The following ASTN2 variants were observed in gnomAD, a reference collection of about 807,000 sequenced individuals.
ASTN2 encodes astrotactin-2.
ASTN2 carries 54 observed loss-of-function variants against 139.8 expected under a neutral mutation model. The observed-to-expected ratio is 0.39, with a 90% CI of 0.31 to 0.48. ASTN2 has a LOEUF of 0.48. Among genes scored for constraint, ASTN2 ranks in the 20% least tolerant of loss-of-function variants. The pLI is 0.95. For synonymous variants in ASTN2, 756 were observed against 719.5 expected, an observed-to-expected ratio of 1.05 and a Z score of -0.81; for missense variants, 1,565 against 1,725.1, an observed-to-expected ratio of 0.91 and a Z score of 1.64.
intron 10 of ASTN2, among the ~76,000 whole-genome samples, chr9:116,960,127 G>T (rs1835834935): frequency 6.6e-6 from 1 of 152,108 alleles, no homozygotes; most frequent in East Asian, 1.9e-4. Context: ...GAGGAGAGGA[G>T]GTGTTGTCAG....
intron 10 of ASTN2, among the ~76,000 whole-genome samples, chr9:116,941,252 A>G (rs1835220360): frequency 6.6e-6 from 1 of 151,580 alleles, no homozygotes; most frequent in Non-Finnish European, 1.5e-5. Context: ...GTGTGCTTAG[A>G]ATTTTCTGGT....
intron 2 of ASTN2, among the ~76,000 whole-genome samples, chr9:117,253,458 C>A (rs544943794): frequency 4.6e-5 from 7 of 152,262 alleles, no homozygotes; most frequent in South Asian, 4.1e-4. Flanking sequence ...GGAAAGCTTC[C>A]CCAAGATAAA....
rs1291826170 is a variant in ASTN2, at chr9:116,656,884, C to A, written c.2807-5091G>T. 2.0e-5 allele frequency among the ~76,000 whole-genome samples: 3 copies of A among 152,070 alleles called. No individual in the cohort carries two copies. In the East Asian group the frequency reaches 5.8e-4, roughly 29 times the overall value. The stretch of plus-strand genomic sequence containing the variant: ...CGGCAACGGTGCAGGGTGCTGCCTC[C>A]CTAGTCAGACAGGCTTGCTTTGGCA... On this transcript the variant is annotated intron_variant, in intron 16 of 22. Transcript: ENST00000313400.
chr9:117,157,925 G>A (rs191221859), intron 3 of ASTN2, among the ~76,000 whole-genome samples: 13 of 152,064 alleles, frequency 8.5e-5, no homozygotes. Context: ...TATGGAACAA[G>A]GATCTTAGGG....
At chr9:116,962,319 G>T (rs745375271) in intron 10 of ASTN2, among the ~76,000 whole-genome samples, 10 of 152,172 alleles carry the variant, frequency 6.6e-5, no homozygotes, top group Non-Finnish European at 1.2e-4. Flanking sequence ...GAGCTCAGAG[G>T]TTGGCCAGCT....
intron 22 of ASTN2, among the ~76,000 whole-genome samples, chr9:116,430,585 T>C (rs921378013): frequency 1.3e-5 from 2 of 152,166 alleles, no homozygotes; most frequent in African/African-American, 4.8e-5. Context: ...TTAGAGTCCA[T>C]AAGGGCAAGT....
At chr9:117,104,528 C>A (rs571309225) in intron 4 of ASTN2, among the ~76,000 whole-genome samples, 1 of 152,160 alleles carries the variant, frequency 6.6e-6, no homozygotes, top group Admixed American at 6.5e-5. Context: ...GCATGATCTA[C>A]GGTTATGAAC....
At chr9:116,871,201 T>A (rs1221525742) in intron 10 of ASTN2, among the ~76,000 whole-genome samples, 1 of 152,264 alleles carries the variant, frequency 6.6e-6, no homozygotes, top group East Asian at 1.9e-4. Flanking sequence ...GAGGTTGCAG[T>A]GAGCCGAGAT....
At chr9:116,656,971 C>T (rs1334084583) in intron 16 of ASTN2, among the ~76,000 whole-genome samples, 2 of 152,124 alleles carry the variant, frequency 1.3e-5, no homozygotes, top group African/African-American at 4.8e-5. Flanking sequence ...AAATTAGAAA[C>T]ATTAAGGGAG....
chr9:116,589,137 C>A (rs1854276318), intron 19 of ASTN2, among the ~76,000 whole-genome samples: 1 of 152,096 alleles, frequency 6.6e-6, no homozygotes, highest in African/African-American at 2.4e-5. Flanking sequence ...TCACAGGGAA[C>A]CTTCTGGCTG....
chr9:116,600,524 A>T (rs1041390484), intron 19 of ASTN2, among the ~76,000 whole-genome samples: 9 of 152,118 alleles, frequency 5.9e-5, no homozygotes, highest in Non-Finnish European at 1.3e-4. Flanking sequence ...AAGAAGTTTG[A>T]CCTTCAACTA....
intron 3 of ASTN2, among the ~76,000 whole-genome samples, chr9:117,167,497 A>G (rs1264871888): frequency 6.6e-6 from 1 of 152,130 alleles, no homozygotes; most frequent in African/African-American, 2.4e-5. Context: ...AATGAGCAAA[A>G]TCAGAATACA....
chr9:116,783,885 C>T (rs1405740600), intron 13 of ASTN2, among the ~76,000 whole-genome samples: 1 of 152,138 alleles, frequency 6.6e-6, no homozygotes, highest in Non-Finnish European at 1.5e-5. Context: ...TTACAGCTAC[C>T]ATTTGTTGAG....
chr9:116,683,446 G>A (rs1256279569), intron 16 of ASTN2, among the ~76,000 whole-genome samples: 1 of 152,128 alleles, frequency 6.6e-6, no homozygotes, highest in African/African-American at 2.4e-5. Context: ...TTTAATAGTA[G>A]CTATAGACTT....
At chr9:117,282,591 A>G (rs1014032823) in intron 2 of ASTN2, among the ~76,000 whole-genome samples, 2 of 152,154 alleles carry the variant, frequency 1.3e-5, no homozygotes, top group Non-Finnish European at 2.9e-5. Context: ...CACCCCTGCC[A>G]TTGGCTCTGG....
intron 6 of ASTN2, among the ~76,000 whole-genome samples, chr9:117,015,111 G>A (rs141566030): frequency 6.6e-6 from 1 of 152,158 alleles, no homozygotes; most frequent in Admixed American, 6.5e-5. Flanking sequence ...CCCTGGCTCA[G>A]GTGATCCTCC....
At chr9:116,652,105 C>T (rs993010228) in intron 16 of ASTN2, among the ~76,000 whole-genome samples, 10 of 152,078 alleles carry the variant, frequency 6.6e-5, no homozygotes, top group African/African-American at 2.4e-4. Flanking sequence ...AGGTGGACCA[C>T]CTGAGGTCAA....
In ASTN2 at chr9:116,425,765, C is replaced by A; in HGVS notation, c.*86G>T. Reference sequence around the variant, plus strand: ...GCTAGGCCCATCCTCAGCTGTCCCCCAGCCCACCCAGGCCCCAGGATCCAG... The same window carrying A: ...GCTAGGCCCATCCTCAGCTGTCCCCAAGCCCACCCAGGCCCCAGGATCCAG... On this transcript the variant is annotated 3_prime_UTR_variant, in exon 23 of 23. Coordinates refer to ENST00000313400, the MANE Select transcript of ASTN2 (RefSeq NM_001365068.1). 6.2e-7 allele frequency: 1 copy of A among 1,605,532 alleles called. No homozygotes were observed. Among genetic ancestry groups the A allele is most frequent in the Non-Finnish European group, 8.5e-7 (1 of 1,175,206 alleles).
At chr9:117,246,146 C>A (rs63611760) in intron 2 of ASTN2, among the ~76,000 whole-genome samples, 87 of 83,586 alleles carry the variant, frequency 1.0e-3, no homozygotes, top group Middle Eastern at 6.5e-3. Flanking sequence ...TGAAAACAAA[C>A]AAAAAAAAGC....
Sources: allele counts gnomAD v4.1 joint callset (sites outside exome capture counted in the v4.1 genomes callset), GRCh38; gene constraint gnomAD v4.1.1; transcripts MANE v1.5; gene names NCBI Gene and HGNC (gene_info 2026-07-23, HGNC 2026-07-21).